Variants in C20orf96 observed in about 807,000 individuals in gnomAD.
C20orf96 encodes uncharacterized protein C20orf96.
In C20orf96, 57 loss-of-function variants were observed where a neutral mutation model predicts 52.6. The observed-to-expected ratio is 1.08, with a 90% CI of 0.88 to 1.35. C20orf96 has a LOEUF of 1.35. Ranked by LOEUF, C20orf96 falls within the 40% of genes most tolerant of loss-of-function variation. C20orf96 has a pLI of 0.00. For synonymous variants in C20orf96, 168 were observed against 157.2 expected, an observed-to-expected ratio of 1.07 and a Z score of -0.51; for missense variants, 478 against 443.6, an observed-to-expected ratio of 1.08 and a Z score of -0.70.
chr20:279,947 C>T (rs1056810734), intron 4 of C20orf96, among the ~76,000 whole-genome samples: 2 of 151,998 alleles, frequency 1.3e-5, no homozygotes, highest in Non-Finnish European at 2.9e-5. Flanking sequence ...CCAGCCTGGG[C>T]GACAGAGGAA....
At chr20:282,573 T>C (rs146596026) in intron 4 of C20orf96, among the ~76,000 whole-genome samples, 2 of 152,200 alleles carry the variant, frequency 1.3e-5, no homozygotes, top group East Asian at 1.9e-4. Flanking sequence ...AAAGTTAGGA[T>C]AAAAATAACA....
rs901973553 is a variant in C20orf96 at position 279,207 on chromosome 20, C to G, written c.430G>C (p.Val144Leu). Reference protein sequence around the residue: ...QEMENSTTLHVRALLQQQDTL... With the variant: ...QEMENSTTLHLRALLQQQDTL... ...TCCTGCTGCTGCAGCAGGGCCCGCA[C>G]GTGCAGGGTCGTGCTGTTCTCCATC... The change falls in exon 5 of 11, where the codon GTG becomes CTG. Residue 144 changes from valine (V) to leucine (L), a missense_variant. Transcript: ENST00000360321. 34 of 1,606,570 alleles carry G rather than the reference C, an allele frequency of 2.1e-5. No homozygotes were observed. In the Admixed American group the frequency reaches 3.2e-4, roughly 15 times the overall value.
intron 3 of C20orf96, among the ~76,000 whole-genome samples, chr20:284,401 T>C (rs1429124836): frequency 1.3e-5 from 2 of 152,214 alleles, no homozygotes; most frequent in South Asian, 2.1e-4. Flanking sequence ...CTCCCACTCC[T>C]TGTGTCTTTC....
chr20:272,234 C>T (rs768718568), intron 10 of C20orf96, among the ~76,000 whole-genome samples: 5 of 152,082 alleles, frequency 3.3e-5, no homozygotes, highest in Non-Finnish European at 4.4e-5. Context: ...GCTGGCAACA[C>T]CTAAATTTCT....
intron 6 of C20orf96, 137 bp downstream of exon 6, chr20:278,193 C>T (rs975764598): frequency 2.5e-5 from 18 of 733,316 alleles, no homozygotes; most frequent in Middle Eastern, 4.8e-4. Context: ...CGCTCTGTAT[C>T]TTAGCATTCC....
chr20:282,381 C>A (rs2012275162), intron 4 of C20orf96, among the ~76,000 whole-genome samples: 1 of 152,174 alleles, frequency 6.6e-6, no homozygotes, highest in East Asian at 1.9e-4. Context: ...TACTGGTGAA[C>A]CCTCATACTC....
At chr20:275,844 ACCGCC>A in intron 10 of C20orf96, 119 bp downstream of exon 10, 1 of 890,128 alleles carries the variant, frequency 1.1e-6, no homozygotes, top group Non-Finnish European at 1.8e-6. Flanking sequence ...GAAACCCAGG[ACCGCC>A]CCTCCCTCCC....
chr20:281,740 A>G (rs1790406497), intron 4 of C20orf96, among the ~76,000 whole-genome samples: 1 of 152,226 alleles, frequency 6.6e-6, no homozygotes, highest in South Asian at 2.1e-4. Context: ...GCACTTTGGA[A>G]GAGCAAGGTG....
chr20:271,345 C>A, intron 10 of C20orf96, 78 bp from the exon 11 acceptor site: 1 of 1,172,920 alleles, frequency 8.5e-7, no homozygotes, highest in Non-Finnish European at 1.2e-6. Flanking sequence ...GAGCCCTGCT[C>A]TTTAGAACTC....
intron 3 of C20orf96, among the ~76,000 whole-genome samples, chr20:285,773 G>C (rs986299385): frequency 6.6e-6 from 1 of 152,086 alleles, no homozygotes; most frequent in Non-Finnish European, 1.5e-5. Flanking sequence ...GTAGAGATGC[G>C]GTTTTGCCAT....
rs151192874 is a variant in C20orf96 at position 279,287 on chromosome 20, C to T, written c.350G>A (p.Ser117Asn). Reference sequence around the variant, plus strand: ...GAGCTTGCTGAGGAAGTTCTCACGGCTTCGGAGCTCTCGCAGAGCGGCCCT... The same window carrying T: ...GAGCTTGCTGAGGAAGTTCTCACGGTTTCGGAGCTCTCGCAGAGCGGCCCT... The part of the protein sequence containing the change: ...SGRAALRELR[S>N]RENFLSKLNR... The change falls in exon 5 of 11, where the codon AGC becomes AAC. Residue 117 changes from serine (S) to asparagine (N), a missense_variant. Coordinates refer to ENST00000360321, the MANE Select transcript of C20orf96 (RefSeq NM_153269.3). The T allele has an allele frequency of 2.2e-5, 35 of 1,609,348 alleles. No individual in the cohort carries two copies. The African/African-American group carries it at 4.1e-4, about 19-fold the overall frequency.
intron 4 of C20orf96, among the ~76,000 whole-genome samples, chr20:281,638 T>C (rs368185838): frequency 5.3e-5 from 8 of 152,224 alleles, no homozygotes; most frequent in African/African-American, 1.7e-4. Context: ...CACATCACCC[T>C]CACAGCAAGA....
chr20:279,409 C>CCCCGGCCCCGCCAGACG lies in C20orf96; in HGVS notation c.307-96_307-80dup, dbSNP rs1372218191. On this transcript the variant is annotated intron_variant, in intron 4 of 10. Transcript: ENST00000360321. Reference sequence around the variant, plus strand: ...CCCCCGAAAGCCCGTGGACCCGCCGCCCCGGCCCCGCCAGACGCCCGCCCC... The same window carrying CCCCGGCCCCGCCAGACG: ...CCCCCGAAAGCCCGTGGACCCGCCGCCCCGGCCCCGCCAGACGCCCGGCCCCGCCAGACGCCCGCCCC... 107 of 1,436,894 alleles carry CCCCGGCCCCGCCAGACG rather than the reference C, an allele frequency of 7.4e-5. 1 individual carries two copies. The East Asian group carries it at 2.2e-3, about 30-fold the overall frequency. 89.0% of individuals were successfully genotyped at this position (1,436,894 alleles called of 1,614,324 possible).
At chr20:288,461 C>T (rs916639336) in intron 3 of C20orf96, among the ~76,000 whole-genome samples, 1 of 152,088 alleles carries the variant, frequency 6.6e-6, no homozygotes, top group Non-Finnish European at 1.5e-5. Context: ...GAAGACAGTG[C>T]TCTGACTCTC....
rs1419865651 is a variant in C20orf96 at position 275,959 on chromosome 20, A to G, written c.1031+9T>C. The G allele has an allele frequency of 6.2e-7, 1 of 1,612,908 alleles. No homozygotes were observed. The highest frequency in any genetic ancestry group is 2.2e-5 in the East Asian group (1 of 44,884). Reference sequence around the variant, plus strand: ...TGGTTTAAGAGGCAGTGGCAAAAAGATCACATACTTGGGTCTCCGAAGCAG... The same window carrying G: ...TGGTTTAAGAGGCAGTGGCAAAAAGGTCACATACTTGGGTCTCCGAAGCAG... On this transcript the variant is annotated intron_variant, in intron 10 of 10. Coordinates refer to ENST00000360321, the MANE Select transcript of C20orf96 (RefSeq NM_153269.3).
intron 9 of C20orf96, 80 bp downstream of exon 9, chr20:276,713 C>G (rs1048580115): frequency 3.8e-6 from 6 of 1,560,804 alleles, no homozygotes; most frequent in Non-Finnish European, 3.5e-6. Flanking sequence ...TCAGGAGAAG[C>G]CTGACTCATT....
Position 277,389 on chromosome 20 carries a change from G to A in C20orf96, c.566-6C>T. The A allele has an allele frequency of 6.2e-7, 1 of 1,613,370 alleles. No individual in the cohort carries two copies. The highest frequency in any genetic ancestry group is 1.1e-5 in the South Asian group (1 of 91,050). ...CTCTGCCTGCTGCTCAAGATCTGGG[G>A]AGGGGTTAGGGAGGTCAGCAGGGAC... On this transcript the variant is annotated splice_polypyrimidine_tract_variant and splice_region_variant and intron_variant, in intron 6 of 10. Transcript: ENST00000360321.
In C20orf96 at chr20:271,706, T is replaced by G. The variant is rs75349612; in HGVS notation, c.1032-439A>C. On this transcript the variant is annotated intron_variant, in intron 10 of 10. Transcript: ENST00000360321. ...CTCACTCCTTCAGTTGGCACTTAAG[T>G]GAAAAGCACTCATTAAGTCCCAGAC... Among the ~76,000 whole-genome samples the G allele has an allele frequency of 1.1e-3, 166 of 152,256 alleles. 1 individual carries two copies. The East Asian group carries it at 0.025, about 23-fold the overall frequency.
At chr20:273,884 AG>A (rs1419734533) in intron 10 of C20orf96, among the ~76,000 whole-genome samples, 4,363 of 83,622 alleles carry the variant, frequency 0.052, 397 homozygotes, top group African/African-American at 0.18. Context: ...CTCAAGAAGA[AG>A]GAAGGAAGAA....
Sources: gnomAD v4.1 joint callset for allele counts (sites outside exome capture counted in the v4.1 genomes callset) on GRCh38, gnomAD v4.1.1 for gene constraint, MANE v1.5 for transcripts, NCBI Gene and HGNC (gene_info 2026-07-23, HGNC 2026-07-21) for gene names.